EPC1: variants seen among roughly 807,000 people sequenced by gnomAD.
EPC1 encodes the protein enhancer of polycomb homolog 1.
In EPC1, 12 loss-of-function variants were observed where a neutral mutation model predicts 98.4. The observed-to-expected ratio is 0.12, with a 90% CI of 0.08 to 0.20. EPC1 has a LOEUF of 0.20. Ranked by LOEUF, EPC1 falls within the 10% of genes least tolerant of loss-of-function variation. EPC1 has a pLI of 1.00. For missense variants in EPC1, 729 were observed against 990.5 expected (o/e 0.74, Z 3.54); for synonymous variants, 357 against 363.9 (o/e 0.98, Z 0.21).
At chr10:32,293,495 C>T in intron 3 of EPC1, 97 bp downstream of exon 3, 1 of 1,158,246 alleles carries the variant, frequency 8.6e-7, no homozygotes, top group Non-Finnish European at 1.2e-6. Flanking sequence ...TAAAGCCTGA[C>T]TGATTACCCC....
At chr10:32,345,323 A>C in intron 1 of EPC1, 1 of 985,442 alleles carries the variant, frequency 1.0e-6, no homozygotes, top group Non-Finnish European at 1.2e-6. Flanking sequence ...CTACTCTCAA[A>C]AGTAACATTT....
At chr10:32,363,740 C>A (rs1409079845) in intron 1 of EPC1, among the ~76,000 whole-genome samples, 2 of 152,092 alleles carry the variant, frequency 1.3e-5, no homozygotes, top group Non-Finnish European at 2.9e-5. Flanking sequence ...TATATAGTTT[C>A]CTTTCTTCTG....
intron 1 of EPC1, 38 bp from the exon 2 acceptor site, chr10:32,305,969 T>C: frequency 6.4e-7 from 1 of 1,564,946 alleles, no homozygotes; most frequent in Non-Finnish European, 8.6e-7. Context: ...CATGTATTTT[T>C]AAAAAGCAGT....
chr10:32,278,229 C>G (rs899913837), intron 10 of EPC1, among the ~76,000 whole-genome samples: 1 of 150,444 alleles, frequency 6.6e-6, no homozygotes, highest in African/African-American at 2.4e-5. Context: ...TTAGTAGAGA[C>G]GGAGTTTTCG....
At chr10:32,360,117 A>G (rs1484962124) in intron 1 of EPC1, among the ~76,000 whole-genome samples, 1 of 152,058 alleles carries the variant, frequency 6.6e-6, no homozygotes, top group Non-Finnish European at 1.5e-5. Context: ...TGTATCATTC[A>G]TATGTTTGTA....
intron 1 of EPC1, among the ~76,000 whole-genome samples, chr10:32,346,284 A>C (rs1294562418): frequency 6.6e-6 from 1 of 152,144 alleles, no homozygotes; most frequent in Non-Finnish European, 1.5e-5. Flanking sequence ...CTGTGCACAG[A>C]ACCTGCGCTC....
intron 6 of EPC1, among the ~76,000 whole-genome samples, chr10:32,290,483 C>CAA (rs57193296): frequency 5.0e-4 from 20 of 40,152 alleles, no homozygotes; most frequent in African/African-American, 2.0e-3. Flanking sequence ...AAGACTCTGT[C>CAA]AAAAAAAAAA....
upstream of EPC1, among the ~76,000 whole-genome samples, chr10:32,348,191 G>T (rs577806797): frequency 2.0e-5 from 3 of 152,284 alleles, no homozygotes; most frequent in East Asian, 5.8e-4. Flanking sequence ...TGAATTATTA[G>T]ATTTAGATGG....
chr10:32,312,210 C>T (rs1256575601), intron 1 of EPC1, among the ~76,000 whole-genome samples: 1 of 152,144 alleles, frequency 6.6e-6, no homozygotes, highest in Non-Finnish European at 1.5e-5. Context: ...GGGGTCGTGT[C>T]AAGGATCTGT....
At position 32,346,989 on chromosome 10, in the gene EPC1, C is replaced by CA; in HGVS notation, c.-75_-74insT. ...GCGGGATCATGGAGAACCGGGGGTT[C>CA]GGTCCCCACTCGCCAACCGCTGCCG... On this transcript the variant is annotated 5_prime_UTR_variant, in exon 1 of 14. Transcript: ENST00000319778. 1 of 1,576,144 alleles carries CA rather than the reference C, an allele frequency of 6.3e-7. No individual in the cohort carries two copies.
chr10:32,333,717 T>C (rs1479068437), intron 1 of EPC1, among the ~76,000 whole-genome samples: 3 of 152,216 alleles, frequency 2.0e-5, no homozygotes, highest in Non-Finnish European at 4.4e-5. Flanking sequence ...ACAAAAGCCC[T>C]GCTAGAATTT....
chr10:32,292,745 AT>A, intron 4 of EPC1, 101 bp from the exon 5 acceptor site: 3 of 1,203,020 alleles, frequency 2.5e-6, no homozygotes, highest in Non-Finnish European at 3.4e-6. Context: ...TTAAATTAGA[AT>A]TTAAAGACAA....
chr10:32,311,284 G>A (rs1389536089), intron 1 of EPC1, among the ~76,000 whole-genome samples: 1 of 149,424 alleles, frequency 6.7e-6, no homozygotes, highest in African/African-American at 2.5e-5. Context: ...CTGCACTCCA[G>A]CCTGGGCGAC....
intron 1 of EPC1, among the ~76,000 whole-genome samples, chr10:32,337,098 T>C (rs763756817): frequency 7.2e-5 from 11 of 152,208 alleles, no homozygotes; most frequent in Non-Finnish European, 1.0e-4. Flanking sequence ...CTTTAAACAT[T>C]TTTGGCCTTT....
intron 1 of EPC1, among the ~76,000 whole-genome samples, chr10:32,309,629 G>T (rs1297033683): frequency 6.6e-6 from 1 of 150,402 alleles, no homozygotes; most frequent in Admixed American, 6.6e-5. Flanking sequence ...GCCAAGGCAG[G>T]CGGATCACTT....
rs190674020 is a variant in EPC1 at position 32,279,210 on chromosome 10, G to A, written c.1744+5488C>T. Among the ~76,000 whole-genome samples, 89 of 152,116 alleles carry A rather than the reference G, an allele frequency of 5.9e-4. No individual in the cohort carries two copies. The East Asian group carries it at 0.012, about 21-fold the overall frequency. On this transcript the variant is annotated intron_variant, in intron 10 of 13. Coordinates refer to ENST00000319778, the MANE Select transcript of EPC1 (RefSeq NM_001272004.3). ...TAAAAAATACAAAAATTAGCCAGGC[G>A]TGGTGGCACGCACCTGTAGTCCCAG...
Position 32,356,756 on chromosome 10 carries a change from G to A in EPC1, c.3+21735C>T, listed in dbSNP as rs1189816310. Among the ~76,000 whole-genome samples the A allele has an allele frequency of 4.6e-5, 7 of 152,212 alleles. No individual in the cohort carries two copies. The East Asian group carries it at 5.8e-4, about 13-fold the overall frequency. Reference sequence around the variant, plus strand: ...TCCCAGCACTTTGGGAGGCCGAGGCGGGCGGATCACGGGGTCAGGAGATCG... The same window carrying A: ...TCCCAGCACTTTGGGAGGCCGAGGCAGGCGGATCACGGGGTCAGGAGATCG... On this transcript the variant is annotated intron_variant, in intron 1 of 13. Transcript: ENST00000375110.
At chr10:32,299,372 G>C (rs747896130) in intron 2 of EPC1, among the ~76,000 whole-genome samples, 1 of 152,020 alleles carries the variant, frequency 6.6e-6, no homozygotes, top group Non-Finnish European at 1.5e-5. Context: ...TTTTAGTAGA[G>C]ATGGGATTTT....
chr10:32,322,505 A>G (rs985549730), intron 1 of EPC1, among the ~76,000 whole-genome samples: 5 of 152,362 alleles, frequency 3.3e-5, no homozygotes, highest in East Asian at 1.9e-4. Context: ...CAAAGTATCA[A>G]GTAGACTAAA....
Sources: allele counts gnomAD v4.1 joint callset (sites outside exome capture counted in the v4.1 genomes callset), GRCh38; gene constraint gnomAD v4.1.1; transcripts MANE v1.5; gene names NCBI Gene and HGNC (gene_info 2026-07-23, HGNC 2026-07-21).